KIAA1217: variants seen among roughly 807,000 people sequenced by gnomAD.
KIAA1217 encodes sickle tail protein homolog.
A neutral mutation model predicts 163.9 loss-of-function variants in KIAA1217; 88 were observed. That is an observed-to-expected ratio of 0.54 (90% CI 0.45 to 0.64). KIAA1217 has a LOEUF of 0.64. KIAA1217 is among the 30% of genes least tolerant of loss of function. The pLI is 0.00. For missense variants in KIAA1217, 2,372 were observed against 2,475.0 expected (o/e 0.96, Z 0.88); for synonymous variants, 903 against 923.1 (o/e 0.98, Z 0.39).
Position 23,737,809 on chromosome 10 carries a change from T to C in KIAA1217, c.-321+42575T>C, listed in dbSNP as rs1048751880. Among the ~76,000 whole-genome samples, 8 of 152,298 alleles carry C rather than the reference T, an allele frequency of 5.3e-5. 1 individual carries two copies. In the East Asian group the frequency reaches 1.4e-3, roughly 26 times the overall value. ...GGTAGAGAACTGATTTCAGTGCCCA[T>C]TGACAGTTATTTTCTACTAAAATGT... On this transcript the variant is annotated intron_variant, in intron 1 of 18. Transcript: ENST00000376462.
intron 3 of KIAA1217, among the ~76,000 whole-genome samples, chr10:24,391,301 A>G (rs936983992): frequency 6.7e-6 from 1 of 148,998 alleles, no homozygotes; most frequent in Admixed American, 6.7e-5. Flanking sequence ...GTCTTAGAGA[A>G]GATTTAGGTT....
intron 1 of KIAA1217, among the ~76,000 whole-genome samples, chr10:23,977,301 G>A (rs1457664452): frequency 6.6e-6 from 1 of 152,166 alleles, no homozygotes; most frequent in East Asian, 1.9e-4. Context: ...ATAACCTGAA[G>A]TTTCTAAAAC....
At chr10:23,720,295 A>G (rs11814357) in intron 1 of KIAA1217, among the ~76,000 whole-genome samples, 12,541 of 152,208 alleles carry the variant, frequency 0.082, 1,685 homozygotes, top group African/African-American at 0.28. Flanking sequence ...TTTAAACTTT[A>G]CAATAATGTC....
chr10:24,025,083 T>C (rs2131523255), intron 2 of KIAA1217, among the ~76,000 whole-genome samples: 1 of 151,868 alleles, frequency 6.6e-6, no homozygotes, highest in African/African-American at 2.4e-5. Context: ...CTAAGAAATC[T>C]CAGTGTAACC....
At chr10:23,785,995 T>C (rs6482349) in intron 1 of KIAA1217, among the ~76,000 whole-genome samples, 1 of 151,964 alleles carries the variant, frequency 6.6e-6, no homozygotes, top group African/African-American at 2.4e-5. Context: ...TAAAAATAAA[T>C]CAGACATAAA....
intron 6 of KIAA1217, chr10:24,482,502 C>T (rs376000650): frequency 6.6e-6 from 1 of 152,226 alleles, no homozygotes; most frequent in Non-Finnish European, 1.5e-5. Flanking sequence ...AAAGATGGAT[C>T]GTCAAAATAG....
chr10:23,776,383 A>G (rs1471408282), intron 1 of KIAA1217, among the ~76,000 whole-genome samples: 1 of 151,260 alleles, frequency 6.6e-6, no homozygotes, highest in African/African-American at 2.4e-5. Context: ...TCTATGATGA[A>G]GATAATGATA....
chr10:23,780,042 C>T (rs938474718), intron 1 of KIAA1217, among the ~76,000 whole-genome samples: 16 of 152,130 alleles, frequency 1.1e-4, no homozygotes, highest in African/African-American at 3.9e-4. Flanking sequence ...AGGACAAAGT[C>T]ACTTAATGAT....
At chr10:24,490,887 C>A (rs10828659) in intron 6 of KIAA1217, among the ~76,000 whole-genome samples, 31,263 of 152,094 alleles carry the variant, frequency 0.21, 3,524 homozygotes, top group South Asian at 0.38. Flanking sequence ...ATCCAGGGAG[C>A]CTTCACTCCC....
At chr10:24,439,938 C>G (rs561320644) in intron 5 of KIAA1217, among the ~76,000 whole-genome samples, 2 of 152,180 alleles carry the variant, frequency 1.3e-5, no homozygotes, top group Non-Finnish European at 2.9e-5. Flanking sequence ...ATGCAGACAT[C>G]TTTCAGGGAC....
At chr10:24,249,007 G>A (rs1160299427) in intron 2 of KIAA1217, among the ~76,000 whole-genome samples, 1 of 152,164 alleles carries the variant, frequency 6.6e-6, no homozygotes, top group African/African-American at 2.4e-5. Context: ...TCAAACACTA[G>A]CTCCTGTTTA....
chr10:23,885,756 C>T (rs760952320), intron 1 of KIAA1217, among the ~76,000 whole-genome samples: 15 of 151,804 alleles, frequency 9.9e-5, no homozygotes, highest in Non-Finnish European at 2.1e-4. Flanking sequence ...TGAGTTCAGT[C>T]GATGACAGAG....
chr10:24,289,253 CTGAT>C (rs1405837108), intron 2 of KIAA1217, among the ~76,000 whole-genome samples: 1 of 152,026 alleles, frequency 6.6e-6, no homozygotes, highest in Non-Finnish European at 1.5e-5. Context: ...GGGGTGGTGA[CTGAT>C]TGAGAGGTAA....
At chr10:24,396,348 A>G (rs1470706759) in intron 3 of KIAA1217, among the ~76,000 whole-genome samples, 1 of 152,082 alleles carries the variant, frequency 6.6e-6, no homozygotes, top group Non-Finnish European at 1.5e-5. Flanking sequence ...AAAAAAAGAG[A>G]AAAAAGAAAA....
At chr10:24,249,797 C>T (rs7909788) in intron 2 of KIAA1217, among the ~76,000 whole-genome samples, 2 of 152,046 alleles carry the variant, frequency 1.3e-5, no homozygotes, top group Non-Finnish European at 2.9e-5. Context: ...CTAGACAGTT[C>T]GTTCTTTAGA....
chr10:23,811,235 T>A (rs1837033333), intron 1 of KIAA1217, among the ~76,000 whole-genome samples: 1 of 143,824 alleles, frequency 7.0e-6, no homozygotes, highest in Non-Finnish European at 1.5e-5. Flanking sequence ...ATAGCGTGTA[T>A]ATATATTATA....
intron 5 of KIAA1217, chr10:24,449,823 C>A: frequency 1.2e-6 from 1 of 842,312 alleles, no homozygotes; most frequent in Non-Finnish European, 1.4e-6. Context: ...CATGCTCTGG[C>A]ACGTTTATCT....
chr10:24,193,376 T>C (rs1272130586), intron 2 of KIAA1217, among the ~76,000 whole-genome samples: 2 of 152,256 alleles, frequency 1.3e-5, no homozygotes, highest in Non-Finnish European at 2.9e-5. Flanking sequence ...CAAGATGTTA[T>C]ACCAGTGTTC....
intron 5 of KIAA1217, chr10:24,449,361 C>A: frequency 1.6e-6 from 1 of 624,090 alleles, no homozygotes; most frequent in Non-Finnish European, 2.0e-6. Context: ...GAGGTTATGA[C>A]AACATGAGCC....
Sources: allele counts gnomAD v4.1 joint callset (sites outside exome capture counted in the v4.1 genomes callset), GRCh38; gene constraint gnomAD v4.1.1; transcripts MANE v1.5; gene names NCBI Gene and HGNC (gene_info 2026-07-23, HGNC 2026-07-21).